LAMA2: variants seen among roughly 807,000 people sequenced by gnomAD.
LAMA2 encodes laminin subunit alpha-2.
LAMA2 carries 269 observed loss-of-function variants against 364.8 expected under a neutral mutation model. That is an observed-to-expected ratio of 0.74 (90% confidence interval 0.67 to 0.82). The LOEUF is 0.82. LAMA2 is among the 40% of genes least tolerant of loss of function. The pLI is 0.00. For synonymous variants in LAMA2, 1,379 were observed against 1,370.6 expected (o/e 1.01, Z -0.14); for missense variants, 3,807 against 3,873.2 (o/e 0.98, Z 0.45).
intron 1 of LAMA2, among the ~76,000 whole-genome samples, chr6:128,888,084 C>T (rs1158408373): frequency 6.6e-6 from 1 of 152,082 alleles, no homozygotes; most frequent in Non-Finnish European, 1.5e-5. Context: ...GCAACTTGAG[C>T]CTCGATAGCT....
chr6:128,964,680 T>G (rs1396941702), intron 1 of LAMA2, among the ~76,000 whole-genome samples: 1 of 152,116 alleles, frequency 6.6e-6, no homozygotes, highest in African/African-American at 2.4e-5. Context: ...CTTAAATGTT[T>G]CACAGATGTA....
At chr6:129,255,436 G>T (rs1266479559) in intron 14 of LAMA2, among the ~76,000 whole-genome samples, 1 of 57,196 alleles carries the variant, frequency 1.7e-5, no homozygotes, top group Non-Finnish European at 3.9e-5. Context: ...AAAAAAAAAA[G>T]CCTGGAATAC....
chr6:129,149,830 A>G (rs1254422241), intron 7 of LAMA2, among the ~76,000 whole-genome samples: 3 of 152,168 alleles, frequency 2.0e-5, no homozygotes, highest in Admixed American at 6.6e-5. Context: ...AACTATTTAT[A>G]TAGCATTTAC....
chr6:128,979,789 A>G (rs1782753498), intron 1 of LAMA2, among the ~76,000 whole-genome samples: 1 of 152,252 alleles, frequency 6.6e-6, no homozygotes, highest in Admixed American at 6.5e-5. Context: ...AGCAAAGCTT[A>G]ACAGACTAAG....
At chr6:129,120,917 A>C (rs1776769070) in intron 4 of LAMA2, among the ~76,000 whole-genome samples, 1 of 152,222 alleles carries the variant, frequency 6.6e-6, no homozygotes, top group Non-Finnish European at 1.5e-5. Context: ...CCTTTATTTA[A>C]AAAATAGCTT....
intron 58 of LAMA2, among the ~76,000 whole-genome samples, chr6:129,495,963 C>A (rs1184357217): frequency 2.0e-5 from 3 of 151,970 alleles, no homozygotes; most frequent in Non-Finnish European, 4.4e-5. Flanking sequence ...GAGTAGCATG[C>A]CAAATTGGTT....
rs749883373 is a variant in LAMA2 at position 129,256,763 on chromosome 6, C to CAAATATATATATAT, written c.2097-3947_2097-3946insAATATATATATATA. ...TATATATAAAAAACAAATTATATAG[C>CAAATATATATATAT]ATATATATATATATATATATATATA... is the stretch of plus-strand genomic sequence containing the variant. On this transcript the variant is annotated intron_variant, in intron 14 of 64. Coordinates refer to ENST00000421865, the MANE Select transcript of LAMA2 (RefSeq NM_000426.4). 1.5e-3 allele frequency among the ~76,000 whole-genome samples: 135 copies of CAAATATATATATAT among 87,944 alleles called. 3 individuals are homozygous for CAAATATATATATAT. The highest frequency in any genetic ancestry group is 4.8e-3 in the African/African-American group (115 of 24,136). 57.7% of individuals were successfully genotyped at this position (87,944 alleles called of 152,430 possible).
chr6:128,980,608 C>A (rs774262553), intron 1 of LAMA2, among the ~76,000 whole-genome samples: 28 of 152,130 alleles, frequency 1.8e-4, no homozygotes, highest in Non-Finnish European at 8.8e-5. Flanking sequence ...AAAGGAATTT[C>A]ACATCTATAA....
At chr6:129,328,550 G>T in intron 29 of LAMA2, 138 bp downstream of exon 29, 3 of 1,369,648 alleles carry the variant, frequency 2.2e-6, no homozygotes, top group Non-Finnish European at 3.1e-6. Flanking sequence ...AAGGGAAAAA[G>T]ATATTCACAG....
intron 1 of LAMA2, among the ~76,000 whole-genome samples, chr6:128,986,794 CATTT>C (rs1267763016): frequency 6.6e-6 from 1 of 151,994 alleles, no homozygotes; most frequent in Non-Finnish European, 1.5e-5. Context: ...TCATTTGCTT[CATTT>C]GACTTTTTGC....
chr6:128,971,713 T>C, intron 1 of LAMA2, among the ~76,000 whole-genome samples: 1 of 152,168 alleles, frequency 6.6e-6, no homozygotes, highest in East Asian at 1.9e-4. Context: ...AGATGTGATC[T>C]CTAAAGTTGA....
chr6:129,204,240 G>C (rs1331342532), intron 12 of LAMA2, among the ~76,000 whole-genome samples: 1 of 152,164 alleles, frequency 6.6e-6, no homozygotes, highest in East Asian at 1.9e-4. Context: ...TTATTTTGAA[G>C]GTGCCAAATT....
chr6:129,155,390 A>G (rs547080642), intron 8 of LAMA2, among the ~76,000 whole-genome samples: 1 of 152,204 alleles, frequency 6.6e-6, no homozygotes, highest in Non-Finnish European at 1.5e-5. Flanking sequence ...TATCATCTCT[A>G]ATATTTGATG....
intron 1 of LAMA2, among the ~76,000 whole-genome samples, chr6:128,892,549 A>G (rs1418679616): frequency 6.6e-6 from 1 of 152,008 alleles, no homozygotes; most frequent in Non-Finnish European, 1.5e-5. Flanking sequence ...GTTAGTTATT[A>G]TTCTTAGTCT....
At chr6:129,199,246 GA>G (rs1248914763) in intron 12 of LAMA2, among the ~76,000 whole-genome samples, 2 of 151,878 alleles carry the variant, frequency 1.3e-5, no homozygotes, top group African/African-American at 4.8e-5. Context: ...GATTAAAAGA[GA>G]AAAAAATCAA....
chr6:129,408,650 T>A (rs1339833675), intron 40 of LAMA2, among the ~76,000 whole-genome samples: 1 of 152,130 alleles, frequency 6.6e-6, no homozygotes, highest in African/African-American at 2.4e-5. Flanking sequence ...AGCTGGCTGA[T>A]CACCCTGAGG....
At chr6:129,350,252 A>C (rs1393009301) in intron 31 of LAMA2, among the ~76,000 whole-genome samples, 1 of 152,246 alleles carries the variant, frequency 6.6e-6, no homozygotes, top group African/African-American at 2.4e-5. Flanking sequence ...AAGTTTTAGA[A>C]AGATCCATAG....
chr6:128,930,195 C>CGGGT (rs1779377985), intron 1 of LAMA2, among the ~76,000 whole-genome samples: 1 of 152,210 alleles, frequency 6.6e-6, no homozygotes, highest in African/African-American at 2.4e-5. Flanking sequence ...GGGAAGTGCC[C>CGGGT]GGGTGTGCTG....
At chr6:129,258,779 T>G (rs886276025) in intron 14 of LAMA2, among the ~76,000 whole-genome samples, 1 of 152,068 alleles carries the variant, frequency 6.6e-6, no homozygotes, top group African/African-American at 2.4e-5. Context: ...AGTAAATGCC[T>G]GTGACACTGC....
Sources: gnomAD v4.1 joint callset for allele counts (sites outside exome capture counted in the v4.1 genomes callset) on GRCh38, gnomAD v4.1.1 for gene constraint, MANE v1.5 for transcripts, NCBI Gene and HGNC (gene_info 2026-07-23, HGNC 2026-07-21) for gene names.